LDAH: variants seen among roughly 807,000 people sequenced by gnomAD.
LDAH encodes lipid droplet-associated hydrolase.
In LDAH, 26 loss-of-function variants were observed where a neutral mutation model predicts 29.6. That is an observed-to-expected ratio of 0.88 (90% CI 0.64 to 1.22). The LOEUF (loss-of-function observed/expected upper bound fraction) is 1.22, where lower values mean the gene tolerates loss of function less well. Ranked by LOEUF, LDAH falls within the 50% of genes most tolerant of loss-of-function variation. The pLI is 0.00. For missense variants in LDAH, 344 were observed against 387.3 expected, an observed-to-expected ratio of 0.89 and a Z score of 0.94; for synonymous variants, 117 against 133.0, an observed-to-expected ratio of 0.88 and a Z score of 0.83.
rs755700129 is a variant in LDAH, at chr2:20,686,858, A to ACTGC, written c.*41_*44dup. On this transcript the variant is annotated 3_prime_UTR_variant, in exon 7 of 7. Coordinates refer to ENST00000237822, the MANE Select transcript of LDAH (RefSeq NM_021925.4). ...TTTACCTACTAAGTCTAGTACACTG[A>ACTGC]CTGCCTCCATGTACTGGCAGTGGGG... 6.5e-7 allele frequency: 1 copy of ACTGC among 1,526,920 alleles called. No individual in the cohort carries two copies. The highest frequency in any genetic ancestry group is 9.0e-7 in the Non-Finnish European group (1 of 1,113,954). The allele number at this position is 1,526,920 out of a possible 1,614,324, so 94.6% of individuals were successfully genotyped here. A position where few individuals can be genotyped will look rare whatever the true frequency, so the allele number is the denominator to read the frequency against.
chr2:20,813,288 T>C (rs115338235), intron 1 of LDAH, among the ~76,000 whole-genome samples: 1 of 152,190 alleles, frequency 6.6e-6, no homozygotes, highest in Non-Finnish European at 1.5e-5. Context: ...TACACAAATA[T>C]ATGTTAAGCA....
intron 1 of LDAH, among the ~76,000 whole-genome samples, chr2:20,820,601 T>C (rs1242652584): frequency 4.0e-5 from 6 of 151,732 alleles, no homozygotes; most frequent in Admixed American, 3.9e-4. Flanking sequence ...TTACACCTTA[T>C]ACAAAAATTA....
rs550190684 is a variant in LDAH, at chr2:20,784,131, C to A, written c.298+6124G>T. Reference sequence around the variant, plus strand: ...ATTTAAAGTGATTACTGAGGCTGGGCATGGTGGCTCATGCCTGTAATCCCA... The same window carrying A: ...ATTTAAAGTGATTACTGAGGCTGGGAATGGTGGCTCATGCCTGTAATCCCA... On this transcript the variant is annotated intron_variant, in intron 3 of 6. Coordinates refer to ENST00000237822, the MANE Select transcript of LDAH (RefSeq NM_021925.4). Among the ~76,000 whole-genome samples, 4 of 152,266 alleles carry A rather than the reference C, an allele frequency of 2.6e-5. No individual in the cohort carries two copies. In the South Asian group the frequency reaches 8.3e-4, roughly 32 times the overall value.
Position 20,685,275 on chromosome 2 carries a change from TAC to T in LDAH, c.*1626_*1627del. 1 of 509,920 alleles carries T rather than the reference TAC, an allele frequency of 2.0e-6. No individual in the cohort carries two copies. The highest frequency in any genetic ancestry group is 3.4e-6 in the Non-Finnish European group (1 of 293,592). The allele number at this position is 509,920 out of a possible 1,614,324, so 31.6% of individuals were successfully genotyped here. A position where few individuals can be genotyped will look rare whatever the true frequency, so the allele number is the denominator to read the frequency against. ...TAGGTATGATTTACCCAGTATTGTT[TAC>T]ATGCCTTGATTTAGTATCAGTGAGT... On this transcript the variant is annotated 3_prime_UTR_variant, in exon 7 of 7. Transcript: ENST00000237822.
chr2:20,744,666 G>A (rs1667446126), intron 4 of LDAH, among the ~76,000 whole-genome samples: 1 of 152,046 alleles, frequency 6.6e-6, no homozygotes, highest in Non-Finnish European at 1.5e-5. Context: ...ATTTCAAAAT[G>A]GTTCATTTCA....
chr2:20,743,132 G>A (rs1406782454), intron 4 of LDAH, among the ~76,000 whole-genome samples: 1 of 151,690 alleles, frequency 6.6e-6, no homozygotes, highest in Admixed American at 6.6e-5. Flanking sequence ...GACCACATTT[G>A]TCATTATTTT....
intron 6 of LDAH, among the ~76,000 whole-genome samples, chr2:20,688,438 T>A (rs1245140855): frequency 6.6e-6 from 1 of 152,080 alleles, no homozygotes; most frequent in African/African-American, 2.4e-5. Context: ...TTGCGCTTTA[T>A]CCCGAAGTCC....
intron 1 of LDAH, among the ~76,000 whole-genome samples, chr2:20,807,308 C>A (rs1672131399): frequency 6.6e-6 from 1 of 151,988 alleles, no homozygotes; most frequent in African/African-American, 2.4e-5. Context: ...AGGAATAATA[C>A]CAATTTTACA....
intron 3 of LDAH, chr2:20,789,475 A>C: frequency 2.2e-6 from 3 of 1,341,436 alleles, no homozygotes; most frequent in Non-Finnish European, 3.0e-6. Flanking sequence ...ATTTTGCTAT[A>C]GCAGCCCAAA....
intron 5 of LDAH, among the ~76,000 whole-genome samples, chr2:20,723,024 G>A (rs1665769683): frequency 6.6e-6 from 1 of 152,152 alleles, no homozygotes; most frequent in East Asian, 1.9e-4. Flanking sequence ...ATGTGCATAA[G>A]TTCACTGAAA....
chr2:20,768,518 C>T (rs1356898500), intron 4 of LDAH, among the ~76,000 whole-genome samples: 2 of 151,578 alleles, frequency 1.3e-5, no homozygotes, highest in Non-Finnish European at 3.0e-5. Flanking sequence ...CCCATACTCG[C>T]TCACACACAC....
At chr2:20,735,087 A>G (rs1393850140) in intron 5 of LDAH, among the ~76,000 whole-genome samples, 6 of 152,050 alleles carry the variant, frequency 3.9e-5, no homozygotes, top group Non-Finnish European at 7.4e-5. Context: ...AAGCTTGGTT[A>G]TGGTGTTTTA....
intron 5 of LDAH, among the ~76,000 whole-genome samples, chr2:20,721,382 A>G (rs1665636193): frequency 1.3e-5 from 2 of 152,164 alleles, no homozygotes; most frequent in Admixed American, 1.3e-4. Context: ...AAAAATGCTC[A>G]GCATCACTAT....
At chr2:20,722,713 C>T (rs1311794209) in intron 5 of LDAH, among the ~76,000 whole-genome samples, 1 of 152,072 alleles carries the variant, frequency 6.6e-6, no homozygotes, top group Non-Finnish European at 1.5e-5. Context: ...AAAATATGTA[C>T]AACTATTATG....
Position 20,712,305 on chromosome 2 carries a change from G to C in LDAH, c.704-10653C>G, listed in dbSNP as rs192526485. 2.3e-3 allele frequency among the ~76,000 whole-genome samples: 343 copies of C among 152,318 alleles called. 2 individuals are homozygous for C. Among genetic ancestry groups the C allele is most frequent in the African/African-American group, 6.6e-3 (275 of 41,570 alleles). ...CTGCGGCTGAGAGACCTGACTGTTA[G>C]AAGGAAAACTAACAAACAGAAAGGA... On this transcript the variant is annotated intron_variant, in intron 5 of 6. Coordinates refer to ENST00000237822, the MANE Select transcript of LDAH (RefSeq NM_021925.4).
chr2:20,760,808 C>T (rs1185803587), intron 4 of LDAH, among the ~76,000 whole-genome samples: 1 of 152,162 alleles, frequency 6.6e-6, no homozygotes, highest in Non-Finnish European at 1.5e-5. Flanking sequence ...CATGTGCTTC[C>T]TGTCTGTCAC....
chr2:20,750,514 T>C (rs1667897939), intron 4 of LDAH, among the ~76,000 whole-genome samples: 1 of 152,226 alleles, frequency 6.6e-6, no homozygotes, highest in Non-Finnish European at 1.5e-5. Context: ...TCTGTGTTAG[T>C]CAGTAACCAA....
chr2:20,810,296 G>A (rs1672379295), intron 1 of LDAH, among the ~76,000 whole-genome samples: 1 of 152,170 alleles, frequency 6.6e-6, no homozygotes, highest in South Asian at 2.1e-4. Flanking sequence ...CTGCCAATAT[G>A]GGCTACTTAA....
intron 5 of LDAH, among the ~76,000 whole-genome samples, chr2:20,720,892 G>C (rs1276061274): frequency 6.6e-6 from 1 of 152,060 alleles, no homozygotes; most frequent in Non-Finnish European, 1.5e-5. Flanking sequence ...GGAAAGGATA[G>C]TCTCTCTAAT....
Sources: allele counts gnomAD v4.1 joint callset (sites outside exome capture counted in the v4.1 genomes callset), GRCh38; gene constraint gnomAD v4.1.1; transcripts MANE v1.5; gene names NCBI Gene and HGNC (gene_info 2026-07-23, HGNC 2026-07-21).